ZHX3: variants seen among roughly 807,000 people sequenced by gnomAD.
ZHX3 encodes the protein zinc fingers and homeoboxes 3, also known as zinc fingers and homeoboxes protein 3.
ZHX3 carries 20 observed loss-of-function variants against 64.5 expected under a neutral mutation model. The ratio of observed to expected loss-of-function variants is 0.31; its 90% CI spans 0.22 to 0.45. The LOEUF (loss-of-function observed/expected upper bound fraction) is 0.45, where lower values mean the gene tolerates loss of function less well. Ranked by LOEUF, ZHX3 falls within the 20% of genes least tolerant of loss-of-function variation. The pLI is 1.00. For synonymous variants in ZHX3, 423 were observed against 461.6 expected, an observed-to-expected ratio of 0.92 and a Z score of 1.07; for missense variants, 1,041 against 1,195.8, an observed-to-expected ratio of 0.87 and a Z score of 1.91.
At chr20:41,205,574 G>T (rs2038636177) in intron 2 of ZHX3, among the ~76,000 whole-genome samples, 1 of 151,532 alleles carries the variant, frequency 6.6e-6, no homozygotes. Context: ...GGGTGGGGTG[G>T]GCGGGGGTGG....
intron 3 of ZHX3, among the ~76,000 whole-genome samples, chr20:41,187,619 A>T (rs946371835): frequency 2.6e-5 from 4 of 151,962 alleles, no homozygotes; most frequent in African/African-American, 9.7e-5. Flanking sequence ...ATTTTATTCC[A>T]TTGGTTTTGT....
chr20:41,309,652 G>A (rs1457631564), intron 1 of ZHX3, among the ~76,000 whole-genome samples: 2 of 152,098 alleles, frequency 1.3e-5, no homozygotes, highest in Non-Finnish European at 2.9e-5. Flanking sequence ...TCTCCCTCGG[G>A]TAAAATCCCC....
intron 1 of ZHX3, among the ~76,000 whole-genome samples, chr20:41,281,955 C>T (rs756440024): frequency 9.9e-5 from 15 of 152,008 alleles, no homozygotes; most frequent in Admixed American, 3.3e-4. Flanking sequence ...TGACAGTGGC[C>T]CACATTAGGG....
intron 1 of ZHX3, chr20:41,290,456 A>T (rs1340074820): frequency 1.3e-5 from 2 of 152,194 alleles, no homozygotes; most frequent in Non-Finnish European, 2.9e-5. Context: ...TATTGATGCC[A>T]AACTCAGTGT....
intron 2 of ZHX3, among the ~76,000 whole-genome samples, 164 bp from the exon 3 acceptor site, chr20:41,205,230 G>A (rs1288543619): frequency 6.6e-6 from 1 of 152,038 alleles, no homozygotes; most frequent in African/African-American, 2.4e-5. Context: ...ACCCCCTAAT[G>A]ACAAAAACTG....
intron 1 of ZHX3, among the ~76,000 whole-genome samples, chr20:41,293,525 G>T (rs1366627887): frequency 6.6e-6 from 1 of 151,828 alleles, no homozygotes; most frequent in Admixed American, 6.6e-5. Context: ...TCACGTAAAA[G>T]AATATAAACA....
chr20:41,284,124 T>C (rs918921971), intron 1 of ZHX3, among the ~76,000 whole-genome samples: 2 of 152,192 alleles, frequency 1.3e-5, no homozygotes, highest in Non-Finnish European at 1.5e-5. Context: ...TGCTTCATAA[T>C]GTTTCAATTA....
rs1441795764 is a variant in ZHX3, at chr20:41,203,625, A to C, written c.1292T>G (p.Leu431Trp). 6.2e-7 allele frequency: 1 copy of C among 1,614,074 alleles called. No homozygotes were observed. Among genetic ancestry groups the C allele is most frequent in the Non-Finnish European group, 8.5e-7 (1 of 1,180,032 alleles). Residue 431 changes from leucine (L) to tryptophan (W), a missense_variant, in exon 3 of 4, where the codon TTG (leucine) becomes TGG (tryptophan). Physicochemically the swap from Leu to Trp is moderately conservative, Grantham distance 61. Coordinates refer to ENST00000683867, the MANE Select transcript of ZHX3 (RefSeq NM_001384317.1). The surrounding 1 kb of genome is among the most constrained non-coding windows in gnomAD (Gnocchi z 7.1). ...TGTTGCTTGCAACCCATTGGCCATC[A>C]ATGGCTGAGTGACCAGAAGTCCCCC... ...TGGGLLVTQP[L>W]MANGLQATSS...
At position 41,266,099 on chromosome 20, in the gene ZHX3, T is replaced by G. The variant is rs117194683; in HGVS notation, c.-151+2891A>C. Among the ~76,000 whole-genome samples, 469 of 152,312 alleles carry G rather than the reference T, an allele frequency of 3.1e-3. 2 individuals carry two copies. Among genetic ancestry groups the G allele is most frequent in the Non-Finnish European group, 4.8e-3 (326 of 68,020 alleles). On this transcript the variant is annotated intron_variant, in intron 2 of 3. Transcript: ENST00000683867. The stretch of plus-strand genomic sequence containing the variant: ...ACCTGCATACCTGTATGAGGTCATA[T>G]GTAAGATAAATTTCTAGAAATGCTG...
Position 41,212,556 on chromosome 20 carries a change from G to C in ZHX3, c.-150-7490C>G, listed in dbSNP as rs1034944818. On this transcript the variant is annotated intron_variant, in intron 2 of 3. Coordinates refer to ENST00000683867, the MANE Select transcript of ZHX3 (RefSeq NM_001384317.1). The surrounding 1 kb of genome is among the most constrained non-coding windows in gnomAD (Gnocchi z 4.3). Reference sequence around the variant, plus strand: ...CTCACACCTGTAATCCTAGCACTTTGGGAGGCCAAGGCGGGCGGATCACCA... The same window carrying C: ...CTCACACCTGTAATCCTAGCACTTTCGGAGGCCAAGGCGGGCGGATCACCA... 7.2e-5 allele frequency among the ~76,000 whole-genome samples: 11 copies of C among 152,158 alleles called. No homozygotes were observed. Among genetic ancestry groups the C allele is most frequent in the Non-Finnish European group, 1.2e-4 (8 of 68,024 alleles).
chr20:41,258,777 T>TC (rs1445200119), intron 2 of ZHX3, among the ~76,000 whole-genome samples: 2 of 152,192 alleles, frequency 1.3e-5, no homozygotes, highest in Non-Finnish European at 2.9e-5. Flanking sequence ...ATTTATGACC[T>TC]CTTTCTTTAT....
intron 1 of ZHX3, among the ~76,000 whole-genome samples, chr20:41,312,196 C>T (rs573762683): frequency 6.6e-6 from 1 of 152,246 alleles, no homozygotes; most frequent in African/African-American, 2.4e-5. Context: ...CACCCTGTAG[C>T]TAGCTAGAGG....
intron 1 of ZHX3, among the ~76,000 whole-genome samples, chr20:41,309,433 G>A (rs2045067227): frequency 6.6e-6 from 1 of 152,190 alleles, no homozygotes; most frequent in African/African-American, 2.4e-5. Flanking sequence ...CTGTAGTTCA[G>A]TGGGCCCGGG....
At chr20:41,266,356 C>A (rs545167711) in intron 2 of ZHX3, among the ~76,000 whole-genome samples, 1 of 152,146 alleles carries the variant, frequency 6.6e-6, no homozygotes, top group South Asian at 2.1e-4. Context: ...TCCAGTTCGC[C>A]TTTGACCTTC....
At chr20:41,277,156 T>C (rs180706781) in intron 1 of ZHX3, among the ~76,000 whole-genome samples, 4 of 152,276 alleles carry the variant, frequency 2.6e-5, no homozygotes, top group African/African-American at 4.8e-5. Context: ...GGTGTTTACA[T>C]GAGTATAAAC....
chr20:41,229,466 A>G (rs558648655), intron 2 of ZHX3, among the ~76,000 whole-genome samples: 6 of 152,248 alleles, frequency 3.9e-5, no homozygotes, highest in African/African-American at 1.2e-4. Context: ...TAATTTCTTG[A>G]GGAATTGCCA....
rs1352342886 is a variant in ZHX3, at chr20:41,181,522, G to C, written c.*3669C>G. The stretch of plus-strand genomic sequence containing the variant: ...TGAACTGAAAAAGCTGCACCAATCT[G>C]AGGATATTGGTCCAAAAAGAGACAA... On this transcript the variant is annotated 3_prime_UTR_variant, in exon 4 of 4. Coordinates refer to ENST00000683867, the MANE Select transcript of ZHX3 (RefSeq NM_001384317.1). The C allele has an allele frequency of 2.0e-5, 3 of 152,148 alleles. No homozygotes were observed. Among genetic ancestry groups the C allele is most frequent in the Non-Finnish European group, 4.4e-5 (3 of 68,042 alleles). The allele number at this position is 152,148 out of a possible 1,614,324, so 9.4% of individuals were successfully genotyped here. A position where few individuals can be genotyped will look rare whatever the true frequency, so the allele number is the denominator to read the frequency against.
At chr20:41,286,774 T>C (rs374740588) in intron 1 of ZHX3, among the ~76,000 whole-genome samples, 2 of 152,154 alleles carry the variant, frequency 1.3e-5, no homozygotes, top group African/African-American at 4.8e-5. Context: ...TCCTCTCAAA[T>C]TGTAATTCCC....
intron 1 of ZHX3, among the ~76,000 whole-genome samples, chr20:41,271,692 C>T (rs2043157778): frequency 6.6e-6 from 1 of 152,196 alleles, no homozygotes; most frequent in South Asian, 2.1e-4. Context: ...TTCTAGCTTT[C>T]TGAGTAAGAC....
Sources: allele counts gnomAD v4.1 joint callset (sites outside exome capture counted in the v4.1 genomes callset), GRCh38; gene constraint gnomAD v4.1.1; non-coding constraint Gnocchi (gnomAD v3.1); transcripts MANE v1.5; gene names NCBI Gene and HGNC (gene_info 2026-07-23, HGNC 2026-07-21).